RPH3A: variants seen among roughly 807,000 people sequenced by gnomAD.
RPH3A encodes rabphilin 3A.
In RPH3A, 48 loss-of-function variants were observed where a neutral mutation model predicts 102.2. That is an observed-to-expected ratio of 0.47 (90% CI 0.37 to 0.60). RPH3A has a LOEUF of 0.60. Ranked by LOEUF, RPH3A falls within the 20% of genes least tolerant of loss-of-function variation. RPH3A has a pLI of 0.00. For missense variants in RPH3A, 781 were observed against 910.1 expected (o/e 0.86, Z 1.83); for synonymous variants, 310 against 324.3 (o/e 0.96, Z 0.47).
intron 4 of RPH3A, among the ~76,000 whole-genome samples, chr12:112,840,481 C>T (rs914057983): frequency 6.6e-6 from 1 of 152,120 alleles, no homozygotes; most frequent in Admixed American, 6.5e-5. Flanking sequence ...TTTATTCCTT[C>T]CTTCCCTGGA....
At chr12:112,599,419 C>T (rs988425765) in intron 1 of RPH3A, among the ~76,000 whole-genome samples, 10 of 152,160 alleles carry the variant, frequency 6.6e-5, no homozygotes, top group Non-Finnish European at 1.2e-4. Context: ...GGTGACTCAA[C>T]CCCCAGTTCT....
At chr12:112,661,393 G>C (rs2040047679) in intron 1 of RPH3A, among the ~76,000 whole-genome samples, 1 of 152,160 alleles carries the variant, frequency 6.6e-6, no homozygotes, top group South Asian at 2.1e-4. Flanking sequence ...ATCTGACAAG[G>C]GGGATAACTA....
intron 1 of RPH3A, among the ~76,000 whole-genome samples, chr12:112,745,676 A>G (rs763267141): frequency 8.5e-5 from 13 of 152,294 alleles, no homozygotes; most frequent in Non-Finnish European, 1.9e-4. Flanking sequence ...AAAGACTTCA[A>G]CTGCTTGGAA....
intron 7 of RPH3A, among the ~76,000 whole-genome samples, chr12:112,867,811 G>A (rs911432776): frequency 6.6e-6 from 1 of 152,186 alleles, no homozygotes; most frequent in African/African-American, 2.4e-5. Flanking sequence ...CTTTCAAGAG[G>A]CTTTGTTGTA....
At chr12:112,595,984 G>A (rs1289547542) in intron 1 of RPH3A, among the ~76,000 whole-genome samples, 1 of 152,198 alleles carries the variant, frequency 6.6e-6, no homozygotes, top group Non-Finnish European at 1.5e-5. Flanking sequence ...GAAGGGAACA[G>A]CTCCATAGAC....
intron 1 of RPH3A, among the ~76,000 whole-genome samples, chr12:112,673,877 T>C (rs981980192): frequency 7.2e-5 from 11 of 152,044 alleles, no homozygotes; most frequent in African/African-American, 2.4e-4. Context: ...CTGTCTATTC[T>C]CTATCTCCAT....
rs1292812559 is a variant in RPH3A at position 112,735,923 on chromosome 12, C to A, written c.-139-56220C>A. 2.0e-5 allele frequency among the ~76,000 whole-genome samples: 3 copies of A among 152,196 alleles called. No individual in the cohort carries two copies. In the East Asian group the frequency reaches 5.8e-4, roughly 29 times the overall value. On this transcript the variant is annotated intron_variant, in intron 1 of 21. Coordinates refer to the RPH3A transcript ENST00000543106. ...GCTACACGATTCCCATTTGAGAGAA[C>A]ATTGTTCCCATTGTTCCCTGGGAGG...
chr12:112,597,583 CA>C (rs1035513366), intron 1 of RPH3A, among the ~76,000 whole-genome samples: 2 of 151,758 alleles, frequency 1.3e-5, no homozygotes, highest in African/African-American at 2.4e-5. Flanking sequence ...GACCCTGTTT[CA>C]AAAAAACAAA....
intron 1 of RPH3A, among the ~76,000 whole-genome samples, chr12:112,774,644 G>A (rs933619379): frequency 6.6e-6 from 1 of 152,190 alleles, no homozygotes; most frequent in African/African-American, 2.4e-5. Context: ...GATGAAGCTG[G>A]AAGCCATTAT....
intron 2 of RPH3A, among the ~76,000 whole-genome samples, chr12:112,801,716 C>T (rs1410599690): frequency 6.6e-6 from 1 of 152,148 alleles, no homozygotes; most frequent in Non-Finnish European, 1.5e-5. Flanking sequence ...TTTTCCCTTC[C>T]TGGTACACAG....
At chr12:112,726,592 AT>A (rs2040592336) in intron 1 of RPH3A, among the ~76,000 whole-genome samples, 1 of 152,196 alleles carries the variant, frequency 6.6e-6, no homozygotes, top group Admixed American at 6.5e-5. Context: ...CATCACCCAG[AT>A]TCAATAATTA....
At chr12:112,784,958 C>T (rs924710656) in intron 1 of RPH3A, among the ~76,000 whole-genome samples, 4 of 152,202 alleles carry the variant, frequency 2.6e-5, no homozygotes, top group Non-Finnish European at 5.9e-5. Context: ...TGTGGTGGCT[C>T]ACGCCTATAA....
chr12:112,829,901 G>T lies in RPH3A; in HGVS notation c.71+1512G>T, dbSNP rs544864567. Among the ~76,000 whole-genome samples the T allele has an allele frequency of 2.0e-5, 3 of 152,180 alleles. No homozygotes were observed. In the South Asian group the frequency reaches 6.2e-4, roughly 32 times the overall value. ...TGAGACTTGCTTCCCACTTAAAAAGGCAACTAGCAAGTGAAAGACAAGTGT... is the reference window on the plus strand; with the variant it reads ...TGAGACTTGCTTCCCACTTAAAAAGTCAACTAGCAAGTGAAAGACAAGTGT... On this transcript the variant is annotated intron_variant, in intron 3 of 21. Coordinates refer to ENST00000389385, the MANE Select transcript of RPH3A (RefSeq NM_001143854.2).
chr12:112,694,640 G>A (rs921796519), intron 1 of RPH3A, among the ~76,000 whole-genome samples: 16 of 134,446 alleles, frequency 1.2e-4, no homozygotes, highest in African/African-American at 3.1e-4. Context: ...GCACGCGCGC[G>A]CGCGCACACG....
intron 1 of RPH3A, among the ~76,000 whole-genome samples, chr12:112,707,049 T>C (rs1055828850): frequency 2.6e-5 from 4 of 151,538 alleles, no homozygotes; most frequent in African/African-American, 9.7e-5. Flanking sequence ...TGGGCAGGGG[T>C]TTTTAAACAG....
At chr12:112,860,473 T>C (rs1013987056) in intron 5 of RPH3A, among the ~76,000 whole-genome samples, 1 of 152,124 alleles carries the variant, frequency 6.6e-6, no homozygotes, top group Non-Finnish European at 1.5e-5. Flanking sequence ...CAGGAGTTAA[T>C]GGTGAAAGGA....
At chr12:112,578,239 C>A (rs1443487418) in intron 1 of RPH3A, among the ~76,000 whole-genome samples, 1 of 152,154 alleles carries the variant, frequency 6.6e-6, no homozygotes, top group African/African-American at 2.4e-5. Context: ...GGGTTTCTCG[C>A]AGCATGACCC....
intron 2 of RPH3A, among the ~76,000 whole-genome samples, chr12:112,818,749 A>G (rs2136134294): frequency 6.6e-6 from 1 of 152,236 alleles, no homozygotes; most frequent in Non-Finnish European, 1.5e-5. Flanking sequence ...GTTTTCCCAA[A>G]AGAAAATTGG....
intron 1 of RPH3A, among the ~76,000 whole-genome samples, chr12:112,719,112 G>T (rs1210665092): frequency 1.3e-5 from 2 of 152,184 alleles, no homozygotes; most frequent in Admixed American, 1.3e-4. Flanking sequence ...GAAGAAAGCT[G>T]CTAAATATCC....
Sources: gnomAD v4.1 joint callset for allele counts (sites outside exome capture counted in the v4.1 genomes callset) on GRCh38, gnomAD v4.1.1 for gene constraint, MANE v1.5 for transcripts, NCBI Gene and HGNC (gene_info 2026-07-23, HGNC 2026-07-21) for gene names.